CSMD1: variants seen among roughly 807,000 people sequenced by gnomAD.
CSMD1 encodes CUB and sushi domain-containing protein 1.
A neutral mutation model predicts 417.5 loss-of-function variants in CSMD1; 213 were observed. The ratio of observed to expected loss-of-function variants is 0.51; its 90% CI spans 0.46 to 0.57. The LOEUF (loss-of-function observed/expected upper bound fraction) is 0.57, where lower values mean the gene tolerates loss of function less well. Ranked by LOEUF, CSMD1 falls within the 20% of genes least tolerant of loss-of-function variation. The probability of loss-of-function intolerance (pLI) is 0.00; values close to 1 mark genes in which losing one functional copy is unlikely to be tolerated. For missense variants in CSMD1, 6,923 were observed against 4,529.7 expected, an observed-to-expected ratio of 1.53 and a Z score of -15.17; for synonymous variants, 2,862 against 1,736.8, an observed-to-expected ratio of 1.65 and a Z score of -16.11.
At chr8:2,979,850 T>C (rs1479533138) in intron 54 of CSMD1, among the ~76,000 whole-genome samples, 3 of 152,198 alleles carry the variant, frequency 2.0e-5, no homozygotes, top group Non-Finnish European at 2.9e-5. Context: ...CAAAAAGCCA[T>C]GTGTGAAGTT....
intron 18 of CSMD1, among the ~76,000 whole-genome samples, chr8:3,385,069 A>AAT (rs1160799452): frequency 2.2e-4 from 25 of 116,108 alleles, no homozygotes; most frequent in African/African-American, 7.7e-4. Context: ...ATAATATATA[A>AAT]ATATATATAT....
chr8:3,863,632 G>C (rs539758873), intron 5 of CSMD1, among the ~76,000 whole-genome samples: 7 of 152,160 alleles, frequency 4.6e-5, no homozygotes, highest in Non-Finnish European at 4.4e-5. Flanking sequence ...GTTCACTTCA[G>C]CTACTGTAAG....
chr8:4,582,852 G>A (rs573151445), intron 2 of CSMD1, among the ~76,000 whole-genome samples: 1 of 152,332 alleles, frequency 6.6e-6, no homozygotes, highest in Admixed American at 6.5e-5. Flanking sequence ...GGGAACCAGG[G>A]CTGTGCGAGG....
chr8:3,377,944 A>G (rs757677191), intron 18 of CSMD1, among the ~76,000 whole-genome samples: 2 of 152,214 alleles, frequency 1.3e-5, no homozygotes, highest in Non-Finnish European at 2.9e-5. Context: ...GCTGAATATT[A>G]AAAGAATTGA....
chr8:4,374,368 G>C (rs975543132), intron 3 of CSMD1, among the ~76,000 whole-genome samples: 1 of 152,080 alleles, frequency 6.6e-6, no homozygotes, highest in African/African-American at 2.4e-5. Context: ...TAGGTGTCAG[G>C]GGATATCAGT....
intron 2 of CSMD1, among the ~76,000 whole-genome samples, chr8:4,553,584 A>C (rs1797963520): frequency 6.6e-6 from 1 of 152,100 alleles, no homozygotes; most frequent in Non-Finnish European, 1.5e-5. Flanking sequence ...ATTCTAAATT[A>C]GATTATTTTT....
chr8:4,145,896 T>C (rs946320985), intron 3 of CSMD1, among the ~76,000 whole-genome samples: 2 of 151,084 alleles, frequency 1.3e-5, no homozygotes, highest in Non-Finnish European at 2.9e-5. Context: ...TCTTGCTCAA[T>C]GCTCATCCCT....
In CSMD1 at chr8:2,990,741, T is replaced by C. The variant is rs189038011; in HGVS notation, c.8377+7270A>G. Among the ~76,000 whole-genome samples the C allele has an allele frequency of 6.6e-5, 10 of 152,326 alleles. No homozygotes were observed. The East Asian group carries it at 1.5e-3, about 24-fold the overall frequency. ...ATTTTGTTATGAATGTAAGATGCTC[T>C]CTACCCTGGAAGAGCGAGAAGCGAT... is the stretch of plus-strand genomic sequence containing the variant. On this transcript the variant is annotated intron_variant, in intron 54 of 69. Coordinates refer to ENST00000635120, the MANE Select transcript of CSMD1 (RefSeq NM_033225.6).
At chr8:4,757,812 A>T (rs998857857) in intron 1 of CSMD1, among the ~76,000 whole-genome samples, 1 of 151,982 alleles carries the variant, frequency 6.6e-6, no homozygotes, top group Non-Finnish European at 1.5e-5. Context: ...TAGGAAAATT[A>T]GCGAGGCACG....
At chr8:4,710,664 T>G (rs1808229152) in intron 1 of CSMD1, among the ~76,000 whole-genome samples, 1 of 150,924 alleles carries the variant, frequency 6.6e-6, no homozygotes, top group African/African-American at 2.4e-5. Context: ...GCTAACAAGG[T>G]GAAACCCCGT....
At chr8:4,327,750 T>C (rs1182522868) in intron 3 of CSMD1, among the ~76,000 whole-genome samples, 1 of 152,254 alleles carries the variant, frequency 6.6e-6, no homozygotes, top group Non-Finnish European at 1.5e-5. Context: ...GAAAACATTG[T>C]TACATACATT....
intron 1 of CSMD1, among the ~76,000 whole-genome samples, chr8:4,781,414 T>G (rs529180875): frequency 1.1e-4 from 16 of 152,346 alleles, no homozygotes; most frequent in Admixed American, 9.1e-4. Flanking sequence ...CCAAGAATGC[T>G]TACTGTCAGA....
intron 49 of CSMD1, among the ~76,000 whole-genome samples, chr8:3,081,253 T>C (rs1814076778): frequency 6.6e-6 from 1 of 152,200 alleles, no homozygotes; most frequent in African/African-American, 2.4e-5. Context: ...CTTCTAGATA[T>C]TTTTGTAAAG....
chr8:3,080,839 G>T (rs1034483445), intron 49 of CSMD1, among the ~76,000 whole-genome samples: 1 of 152,054 alleles, frequency 6.6e-6, no homozygotes, highest in Admixed American at 6.5e-5. Flanking sequence ...GCCTTTTGGG[G>T]GCTACTTTGG....
intron 5 of CSMD1, among the ~76,000 whole-genome samples, chr8:3,757,018 G>C (rs965501979): frequency 2.0e-5 from 3 of 152,094 alleles, no homozygotes; most frequent in Admixed American, 1.3e-4. Context: ...GTCCAGACTG[G>C]TCTTGAACTC....
intron 7 of CSMD1, among the ~76,000 whole-genome samples, chr8:3,675,032 G>T (rs73183338): frequency 3.9e-5 from 6 of 152,076 alleles, no homozygotes; most frequent in African/African-American, 1.4e-4. Flanking sequence ...CAGGGATTTA[G>T]GTGGATGTAT....
intron 1 of CSMD1, among the ~76,000 whole-genome samples, chr8:4,777,141 A>C (rs1176818373): frequency 6.6e-6 from 1 of 152,202 alleles, no homozygotes; most frequent in Non-Finnish European, 1.5e-5. Flanking sequence ...CTCCACATTG[A>C]GACGGATAAT....
intron 8 of CSMD1, among the ~76,000 whole-genome samples, chr8:3,607,995 C>T (rs913995612): frequency 6.6e-6 from 1 of 152,032 alleles, no homozygotes; most frequent in African/African-American, 2.4e-5. Flanking sequence ...CATGGGAAAA[C>T]CCTGTCTCTA....
intron 41 of CSMD1, among the ~76,000 whole-genome samples, chr8:3,135,020 C>A (rs1002654004): frequency 6.6e-6 from 1 of 152,090 alleles, no homozygotes; most frequent in Non-Finnish European, 1.5e-5. Flanking sequence ...AACTCCCAAG[C>A]TCAGGCAGTC....
Sources: gnomAD v4.1 joint callset for allele counts (sites outside exome capture counted in the v4.1 genomes callset) on GRCh38, gnomAD v4.1.1 for gene constraint, MANE v1.5 for transcripts, NCBI Gene and HGNC (gene_info 2026-07-23, HGNC 2026-07-21) for gene names.